Variants in CPAMD8 observed in about 807,000 individuals in gnomAD.
The protein encoded by CPAMD8 is C3 and PZP-like alpha-2-macroglobulin domain-containing protein 8.
CPAMD8 carries 146 observed loss-of-function variants against 224.7 expected under a neutral mutation model. The observed-to-expected ratio is 0.65, with a 90% CI of 0.57 to 0.75. The LOEUF is 0.75. Ranked by LOEUF, CPAMD8 falls within the 30% of genes least tolerant of loss-of-function variation. The pLI, the probability that CPAMD8 is intolerant of heterozygous loss-of-function variation, is 0.00. For missense variants in CPAMD8, 2,301 were observed against 2,537.5 expected (o/e 0.91, Z 2.00); for synonymous variants, 966 against 1,044.6 (o/e 0.92, Z 1.45).
At position 16,938,290 on chromosome 19, in the gene CPAMD8, T is replaced by C. The variant is rs532656821; in HGVS notation, c.2845+105A>G. ...CCCTTCCCAGGGGAAGGGCAGGTGC[T>C]CACTTTGCAGCGGGACAGCCCCCAC... On this transcript the variant is annotated intron_variant, in intron 23 of 41. Transcript: ENST00000443236. The C allele has an allele frequency of 4.3e-5, 25 of 583,170 alleles. No homozygotes were observed. The African/African-American group carries it at 5.0e-4, about 12-fold the overall frequency. The allele number at this position is 583,170 out of a possible 1,614,324, so 36.1% of individuals were successfully genotyped here.
chr19:16,993,128 G>A (rs986097208), intron 12 of CPAMD8, among the ~76,000 whole-genome samples: 10 of 152,024 alleles, frequency 6.6e-5, no homozygotes, highest in East Asian at 1.9e-4. Context: ...TGTTCCACCC[G>A]CCCAGAAGCA....
Position 16,921,985 on chromosome 19 carries a change from G to C in CPAMD8, c.3549C>G (p.Gly1183=), listed in dbSNP as rs376654849. Residue 1183 remains glycine (G), a splice_region_variant and synonymous_variant, in exon 27 of 42, where the codon GGC becomes GGG. Coordinates refer to ENST00000443236, the MANE Select transcript of CPAMD8 (RefSeq NM_015692.5). ...ERETTDYLVQ[G]YQRQLTYKRQ... is the part of the protein sequence containing the mutation. ...GCTTGTAGGTCAGCTGGCGCTGGTA[G>C]CCTGTGGGGCAAGCAGAGAGGACCC... 7.1e-6 allele frequency: 11 copies of C among 1,546,882 alleles called. No individual in the cohort carries two copies. The highest frequency in any genetic ancestry group is 1.2e-5 in the South Asian group (1 of 84,028).
chr19:16,923,650 C>T (rs999802856), intron 26 of CPAMD8, among the ~76,000 whole-genome samples: 1 of 152,176 alleles, frequency 6.6e-6, no homozygotes, highest in Non-Finnish European at 1.5e-5. Flanking sequence ...GCCCTAAATC[C>T]AATGACAGGC....
chr19:16,992,468 T>C (rs1186775449), intron 12 of CPAMD8, among the ~76,000 whole-genome samples: 1 of 152,128 alleles, frequency 6.6e-6, no homozygotes, highest in Non-Finnish European at 1.5e-5. Context: ...TTGTTTGTTT[T>C]TGAGATGGAG....
intron 19 of CPAMD8, among the ~76,000 whole-genome samples, chr19:16,954,881 C>T (rs530951973): frequency 6.6e-6 from 1 of 152,306 alleles, no homozygotes; most frequent in East Asian, 1.9e-4. Flanking sequence ...GCAATCCCAG[C>T]ACTTTGGGAG....
chr19:16,991,396 T>C (rs936605485), intron 12 of CPAMD8, among the ~76,000 whole-genome samples: 33 of 151,990 alleles, frequency 2.2e-4, no homozygotes, highest in Non-Finnish European at 4.6e-4. Context: ...GAATTTAGGG[T>C]AGTCTTGTGG....
At chr19:16,972,507 A>G (rs1342361208) in intron 17 of CPAMD8, among the ~76,000 whole-genome samples, 1 of 151,494 alleles carries the variant, frequency 6.6e-6, no homozygotes, top group East Asian at 1.9e-4. Context: ...ATCTCGGCTC[A>G]CTGTAAGCTC....
At chr19:17,019,096 C>G (rs1460227535) in intron 3 of CPAMD8, among the ~76,000 whole-genome samples, 1 of 151,948 alleles carries the variant, frequency 6.6e-6, no homozygotes, top group Non-Finnish European at 1.5e-5. Flanking sequence ...GGAAACACCA[C>G]GGTGTTTTGT....
intron 18 of CPAMD8, 64 bp from the exon 19 acceptor site, chr19:16,957,979 G>A: frequency 1.0e-5 from 15 of 1,440,906 alleles, no homozygotes; most frequent in Non-Finnish European, 5.8e-6. Context: ...TGTGAACCTA[G>A]CAGCTTTGCA....
chr19:16,974,171 G>A (rs546965823), intron 17 of CPAMD8, among the ~76,000 whole-genome samples: 4 of 149,650 alleles, frequency 2.7e-5, no homozygotes, highest in South Asian at 2.1e-4. Context: ...TCGCTCTGTC[G>A]CCCAGGCTGG....
chr19:16,969,259 A>C (rs2054964435), intron 18 of CPAMD8, among the ~76,000 whole-genome samples: 1 of 152,158 alleles, frequency 6.6e-6, no homozygotes, highest in Non-Finnish European at 1.5e-5. Context: ...ATATGAAGCA[A>C]TCAGTGTCCT....
At position 16,952,006 on chromosome 19, in the gene CPAMD8, G is replaced by T; in HGVS notation, c.2471C>A (p.Pro824Gln). The T allele has an allele frequency of 6.3e-7, 1 of 1,582,878 alleles. No individual in the cohort carries two copies. The highest frequency in any genetic ancestry group is 2.3e-5 in the East Asian group (1 of 43,834). Residue 824 changes from proline (P) to glutamine (Q), a missense_variant, in exon 20 of 42, where the codon CCG becomes CAG. Pro to Gln is a moderately conservative substitution (Grantham distance 76). Transcript: ENST00000443236. The stretch of plus-strand genomic sequence containing the variant: ...GCCCATGTAGTTGTAGACACTGAGC[G>T]GGATCTTGACCTGCTCCCCACGGAT... ...LIIRGEQVKIPLSVYNYMGTC... is the reference protein window; with the variant it reads ...LIIRGEQVKIQLSVYNYMGTC...
At position 16,906,964 on chromosome 19, in the gene CPAMD8, C is replaced by T. The variant is rs869025231; in HGVS notation, c.4015G>A (p.Ala1339Thr). ...CAGGGACACCTACCTCGCATGATGG[C>T]CAGGCTACGGAGCTTGCGCAGTGCC... ...PEALRKLRSL[A>T]IMRDGVTHWS... The change falls in exon 30 of 42, where the codon GCC becomes ACC. Residue 1339 changes from alanine to threonine, a missense_variant. Ala to Thr is a moderately conservative substitution (Grantham distance 58, BLOSUM62 0). Transcript: ENST00000443236. The T allele has an allele frequency of 1.3e-6, 2 of 1,589,026 alleles. No homozygotes were observed. Among genetic ancestry groups the T allele is most frequent in the Non-Finnish European group, 1.7e-6 (2 of 1,169,108 alleles).
At chr19:16,973,143 T>A (rs2055124788) in intron 17 of CPAMD8, among the ~76,000 whole-genome samples, 1 of 152,136 alleles carries the variant, frequency 6.6e-6, no homozygotes, top group South Asian at 2.1e-4. Flanking sequence ...CATACCAGCC[T>A]GGGTGACAAA....
At chr19:16,906,399 TTTCTTTCTTTCC>T (rs1342671587) in intron 30 of CPAMD8, among the ~76,000 whole-genome samples, 4,142 of 86,698 alleles carry the variant, frequency 0.048, 63 homozygotes, top group Non-Finnish European at 0.058. Context: ...TCTTTCTTTC[TTTCTTTCTTTCC>T]TTCCTTCCTT....
chr19:16,901,916 G>T (rs563198250), intron 35 of CPAMD8, among the ~76,000 whole-genome samples: 2 of 152,250 alleles, frequency 1.3e-5, no homozygotes, highest in Non-Finnish European at 2.9e-5. Flanking sequence ...ACACATTCGG[G>T]CTGAGAGTCA....
intron 25 of CPAMD8, among the ~76,000 whole-genome samples, chr19:16,927,129 T>A (rs1037592551): frequency 1.3e-5 from 2 of 151,994 alleles, no homozygotes; most frequent in South Asian, 4.2e-4. Context: ...GGCATCCTGA[T>A]ATGGATTGGC....
intron 41 of CPAMD8, chr19:16,894,921 A>AACAC (rs3032709): frequency 0.1 from 15,599 of 151,504 alleles, 981 homozygotes; most frequent in South Asian, 0.17. Flanking sequence ...CCATCTCTAC[A>AACAC]ACACACACAC....
chr19:17,005,045 C>T (rs1379314951), intron 7 of CPAMD8, among the ~76,000 whole-genome samples: 1 of 152,004 alleles, frequency 6.6e-6, no homozygotes, highest in East Asian at 1.9e-4. Flanking sequence ...GCACTACTGA[C>T]ATTTAGGGCC....
Sources: allele counts gnomAD v4.1 joint callset (sites outside exome capture counted in the v4.1 genomes callset), GRCh38; gene constraint gnomAD v4.1.1; transcripts MANE v1.5; gene names NCBI Gene and HGNC (gene_info 2026-07-23, HGNC 2026-07-21).